Variants in DOCK4 observed in about 807,000 individuals in gnomAD.
The protein encoded by DOCK4 is dedicator of cytokinesis protein 4.
A neutral mutation model predicts 268.1 loss-of-function variants in DOCK4; 97 were observed. The ratio of observed to expected loss-of-function variants is 0.36; its 90% CI spans 0.31 to 0.43. The LOEUF (loss-of-function observed/expected upper bound fraction) is 0.43, where lower values mean the gene tolerates loss of function less well. Among genes scored for constraint, DOCK4 ranks in the 20% least tolerant of loss-of-function variants. The pLI is 1.00. For synonymous variants in DOCK4, 954 were observed against 887.2 expected (o/e 1.08, Z -1.34); for missense variants, 2,145 against 2,455.7 (o/e 0.87, Z 2.67).
intron 16 of DOCK4, among the ~76,000 whole-genome samples, chr7:111,878,898 C>G (rs1586248992): frequency 6.6e-6 from 1 of 152,032 alleles, no homozygotes; most frequent in African/African-American, 2.4e-5. Context: ...GTCTAGGAGA[C>G]AAGGACAGTA....
At chr7:112,145,105 A>G (rs1815336712) in intron 1 of DOCK4, among the ~76,000 whole-genome samples, 1 of 152,196 alleles carries the variant, frequency 6.6e-6, no homozygotes, top group Non-Finnish European at 1.5e-5. Context: ...GTTCCAAGGC[A>G]GGGACCGGAC....
At chr7:111,954,726 G>A (rs1039788485) in intron 8 of DOCK4, among the ~76,000 whole-genome samples, 20 of 152,096 alleles carry the variant, frequency 1.3e-4, no homozygotes, top group African/African-American at 4.6e-4. Context: ...CCCCTGCCCC[G>A]TCCTCACATG....
At position 111,847,084 on chromosome 7, in the gene DOCK4, T is replaced by C; in HGVS notation, c.2516A>G (p.His839Arg). 6.2e-7 allele frequency: 1 copy of C among 1,613,826 alleles called. No individual in the cohort carries two copies. The highest frequency in any genetic ancestry group is 8.5e-7 in the Non-Finnish European group (1 of 1,179,792). ...ILLPVVLHHL[H>R]IHLQEQKDLI... is the part of the protein sequence containing the mutation. ...GTCCTTCTGTTCTTGCAAGTGAATGTGGAGGTGATGTAACACGACAGGCAG... is the reference window on the plus strand; with the variant it reads ...GTCCTTCTGTTCTTGCAAGTGAATGCGGAGGTGATGTAACACGACAGGCAG... Residue 839 changes from histidine to arginine, a missense_variant, in exon 24 of 53, where the codon CAC (histidine) becomes CGC (arginine). His to Arg is a conservative substitution (Grantham distance 29). This residue lies in a region of DOCK4 where 1,598 missense variants were observed against 1,986.7 expected (regional missense o/e 0.80). Coordinates refer to ENST00000428084, the MANE Select transcript of DOCK4 (RefSeq NM_001363540.2).
At chr7:112,105,112 A>AT (rs140574179) in intron 1 of DOCK4, among the ~76,000 whole-genome samples, 3,981 of 152,288 alleles carry the variant, frequency 0.026, 187 homozygotes, top group African/African-American at 0.091. Context: ...CTGCTCTTGT[A>AT]TCCAAGTGGA....
At chr7:112,025,887 AAAGC>A (rs1802742689) in intron 1 of DOCK4, among the ~76,000 whole-genome samples, 1 of 152,082 alleles carries the variant, frequency 6.6e-6, no homozygotes. Context: ...CCTCCACCAT[AAAGC>A]CTTCCCTGGC....
intron 16 of DOCK4, among the ~76,000 whole-genome samples, chr7:111,877,870 G>A (rs151187814): frequency 9.7e-4 from 148 of 152,280 alleles, no homozygotes; most frequent in African/African-American, 3.4e-3. Flanking sequence ...ATGTTCATAT[G>A]ATGCCAATGT....
intron 1 of DOCK4, among the ~76,000 whole-genome samples, chr7:112,084,024 A>T (rs955083395): frequency 2.0e-5 from 3 of 152,198 alleles, no homozygotes; most frequent in Non-Finnish European, 4.4e-5. Context: ...CCATAGGAAT[A>T]GCTTCGCTGG....
chr7:111,948,671 T>C (rs1795815371), intron 8 of DOCK4, among the ~76,000 whole-genome samples: 1 of 151,876 alleles, frequency 6.6e-6, no homozygotes, highest in Non-Finnish European at 1.5e-5. Flanking sequence ...CTCGGCTCAT[T>C]GCAACCTCTA....
At chr7:111,952,649 G>A (rs933681961) in intron 8 of DOCK4, among the ~76,000 whole-genome samples, 9 of 151,854 alleles carry the variant, frequency 5.9e-5, no homozygotes, top group African/African-American at 1.7e-4. Context: ...TAATATCTTC[G>A]GTTGAAACAT....
chr7:111,944,071 A>T (rs1201042880), intron 10 of DOCK4, among the ~76,000 whole-genome samples: 1 of 152,148 alleles, frequency 6.6e-6, no homozygotes, highest in Admixed American at 6.5e-5. Context: ...CATTTCACCT[A>T]ATTCCTCTGC....
At chr7:112,148,078 C>T (rs971190986) in intron 1 of DOCK4, among the ~76,000 whole-genome samples, 10 of 151,996 alleles carry the variant, frequency 6.6e-5, no homozygotes, top group African/African-American at 2.4e-4. Context: ...AGTAAATTGT[C>T]GCTGAATCAA....
intron 34 of DOCK4, 40 bp downstream of exon 34, chr7:111,783,817 G>T: frequency 6.7e-7 from 1 of 1,501,618 alleles, no homozygotes; most frequent in Non-Finnish European, 9.1e-7. Flanking sequence ...CTGGAGTTCA[G>T]CATGAACTGG....
At position 111,790,466 on chromosome 7, in the gene DOCK4, G is replaced by C. The variant is rs776154123; in HGVS notation, c.3306C>G (p.Asn1102Lys). ...MMDWEQRRSG[N>K]FKQVEAKLID... Reference sequence around the variant, plus strand: ...GAGCACTTCTGCCTACCTGTTTAAAGTTGCCACTCCGCCTCTGCTCCCAGT... The same window carrying C: ...GAGCACTTCTGCCTACCTGTTTAAACTTGCCACTCCGCCTCTGCTCCCAGT... Residue 1102 changes from asparagine (N) to lysine (K), a missense_variant, in exon 31 of 53, where the codon AAC becomes AAG. Around this residue, in one of 2 missense-constraint regions of DOCK4, gnomAD observed 1,598 missense variants for 1,986.7 expected, o/e 0.80. Transcript: ENST00000428084. 20 of 1,613,632 alleles carry C rather than the reference G, an allele frequency of 1.2e-5. No homozygotes were observed. The Admixed American group carries it at 3.3e-4, about 27-fold the overall frequency.
At chr7:111,752,369 A>G (rs1015418883) in intron 42 of DOCK4, among the ~76,000 whole-genome samples, 5 of 152,252 alleles carry the variant, frequency 3.3e-5, no homozygotes, top group Middle Eastern at 3.4e-3. Context: ...TACTGCAGTA[A>G]TCAGGCACTA....
chr7:112,176,495 A>G (rs1239817573), intron 1 of DOCK4, among the ~76,000 whole-genome samples: 1 of 152,206 alleles, frequency 6.6e-6, no homozygotes, highest in African/African-American at 2.4e-5. Flanking sequence ...CTCATTATTA[A>G]TAACAATATA....
chr7:112,183,790 T>C (rs1819255849), intron 1 of DOCK4, among the ~76,000 whole-genome samples: 1 of 152,158 alleles, frequency 6.6e-6, no homozygotes, highest in Non-Finnish European at 1.5e-5. Flanking sequence ...TCGATAGTGG[T>C]AACATTTATG....
chr7:112,192,157 G>T (rs1361169711), intron 1 of DOCK4, among the ~76,000 whole-genome samples: 1 of 150,992 alleles, frequency 6.6e-6, no homozygotes, highest in African/African-American at 2.4e-5. Context: ...GAGAAGAATC[G>T]ATCCTAAATC....
intron 30 of DOCK4, among the ~76,000 whole-genome samples, chr7:111,791,089 T>C (rs1233366658): frequency 1.4e-5 from 2 of 140,678 alleles, no homozygotes; most frequent in African/African-American, 5.4e-5. Context: ...TATATATATA[T>C]ATATATATAT....
intron 44 of DOCK4, among the ~76,000 whole-genome samples, chr7:111,746,042 T>C (rs1644198869): frequency 6.6e-6 from 1 of 152,224 alleles, no homozygotes; most frequent in Non-Finnish European, 1.5e-5. Flanking sequence ...ATATCTCTTA[T>C]GTATATGCAA....
Sources: allele counts gnomAD v4.1 joint callset (sites outside exome capture counted in the v4.1 genomes callset), GRCh38; gene constraint gnomAD v4.1.1; regional missense constraint gnomAD v4.1.1; transcripts MANE v1.5; gene names NCBI Gene and HGNC (gene_info 2026-07-23, HGNC 2026-07-21).